The following MPDZ variants were observed in gnomAD, a reference collection of about 807,000 sequenced individuals.
MPDZ encodes multiple PDZ domain crumbs cell polarity complex component, also known as multiple PDZ domain protein.
MPDZ carries 234 observed loss-of-function variants against 239.1 expected under a neutral mutation model. The observed-to-expected ratio is 0.98, with a 90% CI of 0.88 to 1.09. The LOEUF (loss-of-function observed/expected upper bound fraction) is 1.09. Among genes scored for constraint, MPDZ ranks in the 50% least tolerant of loss-of-function variants. MPDZ has a pLI of 0.00. For synonymous variants in MPDZ, 1,048 were observed against 881.3 expected (o/e 1.19, Z -3.35); for missense variants, 3,175 against 2,510.0 (o/e 1.26, Z -5.66).
intron 19 of MPDZ, among the ~76,000 whole-genome samples, chr9:13,178,477 T>G (rs549332636): frequency 1.3e-5 from 2 of 152,250 alleles, no homozygotes; most frequent in African/African-American, 4.8e-5. Flanking sequence ...CTCTTCATAT[T>G]CTTTATCCGA....
chr9:13,222,343 T>A lies in MPDZ; in HGVS notation c.637A>T (p.Lys213Ter). 1 of 1,613,070 alleles carries A rather than the reference T, an allele frequency of 6.2e-7. No individual in the cohort carries two copies. The highest frequency in any genetic ancestry group is 2.2e-5 in the East Asian group (1 of 44,826). The part of the protein sequence containing the change: ...QQAISILQKA[K>*]DTVQLVIARG... ...GCAATAACTAGCTGGACAGTATCTT[T>A]GGCTTTCTGCAGGATGCTGATAGCC... is the stretch of plus-strand genomic sequence containing the variant. The change falls in exon 6 of 47, where the codon AAA (lysine) becomes TAA (stop). Residue 213 changes from lysine (K) to a stop codon, truncating the protein, a stop_gained. Transcript: ENST00000319217. LOFTEE classifies it high-confidence loss of function.
intron 17 of MPDZ, among the ~76,000 whole-genome samples, chr9:13,187,015 G>T (rs1954202704): frequency 6.6e-6 from 1 of 151,986 alleles, no homozygotes; most frequent in Non-Finnish European, 1.5e-5. Context: ...TCACAAACTT[G>T]GTCACGCTGA....
intron 3 of MPDZ, among the ~76,000 whole-genome samples, 189 bp from the exon 4 acceptor site, chr9:13,224,772 C>T (rs144412597): frequency 1.4e-3 from 207 of 152,222 alleles, no homozygotes; most frequent in Non-Finnish European, 2.1e-3. Flanking sequence ...GTGTGTGCAT[C>T]ACTAAATGTT....
chr9:13,192,335 T>C (rs752750174), intron 14 of MPDZ, 40 bp from the exon 15 acceptor site: 4 of 1,513,660 alleles, frequency 2.6e-6, no homozygotes, highest in Admixed American at 4.0e-5. Context: ...CAACACTTCA[T>C]AATATGAACA....
At chr9:13,176,787 G>C (rs1401696209) in intron 19 of MPDZ, among the ~76,000 whole-genome samples, 1 of 152,084 alleles carries the variant, frequency 6.6e-6, no homozygotes, top group African/African-American at 2.4e-5. Context: ...TTAAAGTGTA[G>C]TTTGTTTCCC....
chr9:13,266,394 G>C (rs1971800410), intron 1 of MPDZ, among the ~76,000 whole-genome samples: 1 of 152,340 alleles, frequency 6.6e-6, no homozygotes, highest in African/African-American at 2.4e-5. Context: ...TCTGCACGGA[G>C]AAGTACCACA....
intron 25 of MPDZ, among the ~76,000 whole-genome samples, 181 bp from the exon 26 acceptor site, chr9:13,147,839 C>G (rs1204914264): frequency 6.6e-6 from 1 of 152,062 alleles, no homozygotes; most frequent in Admixed American, 6.6e-5. Context: ...CTTGTGGTCC[C>G]TTGCTTTGGA....
At chr9:13,121,276 T>G (rs2131590087) in intron 38 of MPDZ, among the ~76,000 whole-genome samples, 1 of 152,276 alleles carries the variant, frequency 6.6e-6, no homozygotes, top group South Asian at 2.1e-4. Flanking sequence ...CCTTTTTTCT[T>G]GGAAATTTTC....
chr9:13,248,699 G>A (rs1966989347), intron 2 of MPDZ, among the ~76,000 whole-genome samples: 1 of 151,672 alleles, frequency 6.6e-6, no homozygotes, highest in South Asian at 2.1e-4. Flanking sequence ...GGGGCGCGGT[G>A]GCTCATGTCT....
intron 32 of MPDZ, among the ~76,000 whole-genome samples, chr9:13,130,107 C>T (rs1336675513): frequency 6.6e-6 from 1 of 152,142 alleles, no homozygotes; most frequent in African/African-American, 2.4e-5. Context: ...ATGTATGGGT[C>T]CTTTCCTAGG....
chr9:13,191,991 T>C (rs1954990909), intron 15 of MPDZ, 140 bp downstream of exon 15: 2 of 701,766 alleles, frequency 2.8e-6, no homozygotes, highest in South Asian at 5.6e-5. Context: ...CCCAGATTTG[T>C]CTGACTTTAA....
chr9:13,191,325 C>G (rs551306460), intron 15 of MPDZ, among the ~76,000 whole-genome samples: 284 of 152,228 alleles, frequency 1.9e-3, no homozygotes, highest in Non-Finnish European at 3.6e-3. Context: ...ATTCAATATA[C>G]TATAAATCAA....
At chr9:13,169,674 T>C (rs1329679587) in intron 21 of MPDZ, among the ~76,000 whole-genome samples, 1 of 152,108 alleles carries the variant, frequency 6.6e-6, no homozygotes, top group East Asian at 1.9e-4. Flanking sequence ...AGACAAGTAA[T>C]ATCCTATCAG....
At position 13,217,034 on chromosome 9, in the gene MPDZ, G is replaced by C. The variant is rs1012054715; in HGVS notation, c.1201+146C>G. On this transcript the variant is annotated intron_variant, in intron 9 of 46. Coordinates refer to ENST00000319217, the MANE Select transcript of MPDZ (RefSeq NM_001378778.1). ...TGTCTGTCTTAAATACAATATAAGA[G>C]TCACCTACACTAAATTATTCCTAAG... The C allele has an allele frequency of 3.9e-6, 3 of 773,184 alleles. No homozygotes were observed. In the African/African-American group the frequency reaches 5.3e-5, roughly 14 times the overall value. 47.9% of individuals were successfully genotyped at this position (773,184 alleles called of 1,614,324 possible). A position where few individuals can be genotyped will look rare whatever the true frequency, so the allele number is the denominator to read the frequency against.
At chr9:13,118,414 G>A (rs1943826395) in intron 39 of MPDZ, among the ~76,000 whole-genome samples, 1 of 152,116 alleles carries the variant, frequency 6.6e-6, no homozygotes, top group Non-Finnish European at 1.5e-5. Context: ...AACCTGAGAG[G>A]TGAGTAACAA....
In MPDZ at chr9:13,183,403, G is replaced by T. The variant is rs2134513896; in HGVS notation, c.2649+15C>A. ...AGACTTTCCTATAAAAGAAAAATTG[G>T]CTTTTCCTTTGTACCTTAGGAGGAG... On this transcript the variant is annotated intron_variant, in intron 19 of 46. Coordinates refer to ENST00000319217, the MANE Select transcript of MPDZ (RefSeq NM_001378778.1). 2 of 1,576,614 alleles carry T rather than the reference G, an allele frequency of 1.3e-6. No individual in the cohort carries two copies. Among genetic ancestry groups the T allele is most frequent in the East Asian group, 4.5e-5 (2 of 44,056 alleles).
intron 21 of MPDZ, among the ~76,000 whole-genome samples, chr9:13,169,591 T>G (rs1951525031): frequency 6.6e-6 from 1 of 152,054 alleles, no homozygotes; most frequent in Non-Finnish European, 1.5e-5. Context: ...TCCTAACTGG[T>G]CACCTGCCTT....
chr9:13,165,278 G>A (rs1950935671), intron 22 of MPDZ: 2 of 1,264,434 alleles, frequency 1.6e-6, no homozygotes, highest in African/African-American at 1.5e-5. Flanking sequence ...ATCTATTCTT[G>A]CATTGGGACA....
At chr9:13,111,057 G>C (rs1942376598) in intron 43 of MPDZ, among the ~76,000 whole-genome samples, 1 of 152,170 alleles carries the variant, frequency 6.6e-6, no homozygotes, top group African/African-American at 2.4e-5. Context: ...ACTATCATTT[G>C]GAAACTGAAA....
Sources: allele counts gnomAD v4.1 joint callset (sites outside exome capture counted in the v4.1 genomes callset), GRCh38; gene constraint gnomAD v4.1.1; transcripts MANE v1.5; gene names NCBI Gene and HGNC (gene_info 2026-07-23, HGNC 2026-07-21).